The following ATP6V1C2 variants were observed in gnomAD, a reference collection of about 807,000 sequenced individuals.
ATP6V1C2 encodes V-type proton ATPase subunit C 2.
In ATP6V1C2, 45 loss-of-function variants were observed where a neutral mutation model predicts 56.8. The observed-to-expected ratio is 0.79, with a 90% CI of 0.62 to 1.02. The LOEUF (loss-of-function observed/expected upper bound fraction) is 1.02. ATP6V1C2 is among the 50% of genes least tolerant of loss of function. The pLI, the probability that ATP6V1C2 is intolerant of heterozygous loss-of-function variation, is 0.00. For missense variants in ATP6V1C2, 463 were observed against 519.7 expected (o/e 0.89, Z 1.06); for synonymous variants, 220 against 201.3 (o/e 1.09, Z -0.79).
At chr2:10,744,295 G>C (rs1219185640) in intron 3 of ATP6V1C2, 2 of 152,172 alleles carry the variant, frequency 1.3e-5, no homozygotes, top group East Asian at 3.8e-4. Context: ...CTCTAGTGAG[G>C]CTGTACCAAT....
intron 3 of ATP6V1C2, among the ~76,000 whole-genome samples, chr2:10,748,025 G>T (rs918714508): frequency 6.6e-6 from 1 of 152,126 alleles, no homozygotes; most frequent in African/African-American, 2.4e-5. Context: ...AGGGTTTAGA[G>T]TAGCTGGTAT....
chr2:10,781,375 G>C (rs570304114), intron 12 of ATP6V1C2, among the ~76,000 whole-genome samples: 65 of 152,266 alleles, frequency 4.3e-4, no homozygotes, highest in African/African-American at 1.5e-3. Flanking sequence ...CTACTTGGGA[G>C]GCTGAGGCAG....
intron 4 of ATP6V1C2, 99 bp from the exon 5 acceptor site, chr2:10,764,232 C>A (rs1399717088): frequency 1.8e-6 from 2 of 1,082,978 alleles, no homozygotes; most frequent in Non-Finnish European, 2.8e-6. Flanking sequence ...ATGATGGCTG[C>A]CTTCGTGTCC....
chr2:10,775,921 T>A (rs1171572375), intron 10 of ATP6V1C2, among the ~76,000 whole-genome samples: 2 of 152,086 alleles, frequency 1.3e-5, no homozygotes, highest in African/African-American at 2.4e-5. Context: ...TTGAGGCCTT[T>A]GGGGGAAAGT....
chr2:10,777,692 C>G lies in ATP6V1C2; in HGVS notation c.933C>G (p.Asp311Glu). The G allele has an allele frequency of 1.3e-6, 2 of 1,597,816 alleles. No individual in the cohort carries two copies. Among genetic ancestry groups the G allele is most frequent in the Non-Finnish European group, 1.7e-6 (2 of 1,168,212 alleles). Residue 311 changes from aspartate to glutamate, a missense_variant, in exon 11 of 14, where the codon GAC becomes GAG. Asp to Glu is a conservative substitution (Grantham distance 45). Transcript: ENST00000272238. ...NPDRPAAGQT[D>E]RERESEGEGE... is the part of the protein sequence containing the mutation. ...ATAGGCCTGCTGCGGGGCAGACCGA[C>G]AGAGAGAGAGAGAGTGAGGGCGAGG... is the stretch of plus-strand genomic sequence containing the variant.
upstream of ATP6V1C2, among the ~76,000 whole-genome samples, chr2:10,721,173 A>G (rs1161975621): frequency 6.6e-6 from 1 of 152,028 alleles, no homozygotes; most frequent in Admixed American, 6.5e-5. Flanking sequence ...GCGGCTCCCC[A>G]CAGGTGGGCC....
chr2:10,783,724 T>A lies in ATP6V1C2; in HGVS notation c.*461T>A, dbSNP rs1665544517. ...TGTGGTGGGCATAGGTGGCACCATC[T>A]AAAGAAAAGAGGTCTTGTTTTTTGT... On this transcript the variant is annotated 3_prime_UTR_variant, in exon 14 of 14. Coordinates refer to ENST00000272238, the MANE Select transcript of ATP6V1C2 (RefSeq NM_001039362.2). 1 of 157,646 alleles carries A rather than the reference T, an allele frequency of 6.3e-6. No homozygotes were observed. Among genetic ancestry groups the A allele is most frequent in the Admixed American group, 6.3e-5 (1 of 15,970 alleles). 9.8% of individuals were successfully genotyped at this position (157,646 alleles called of 1,614,324 possible). A position where few individuals can be genotyped will look rare whatever the true frequency, so the allele number is the denominator to read the frequency against.
Position 10,779,707 on chromosome 2 carries a change from A to AAAG in ATP6V1C2, c.1061+1038_1061+1039insAAG, listed in dbSNP as rs746755191. 1.4e-3 allele frequency among the ~76,000 whole-genome samples: 205 copies of AAAG among 145,130 alleles called. 4 individuals are homozygous for AAAG. The highest frequency in any genetic ancestry group is 3.8e-3 in the South Asian group (17 of 4,506). The stretch of plus-strand genomic sequence containing the variant: ...CTATAGAAAAAAAAAAAAAAAAAAA[A>AAAG]CTTCACTGTGGGAAACCTGGCAACT... On this transcript the variant is annotated intron_variant, in intron 12 of 13. Coordinates refer to ENST00000272238, the MANE Select transcript of ATP6V1C2 (RefSeq NM_001039362.2).
chr2:10,757,641 C>G (rs1223905079), intron 4 of ATP6V1C2, among the ~76,000 whole-genome samples: 2 of 152,232 alleles, frequency 1.3e-5, no homozygotes, highest in Non-Finnish European at 2.9e-5. Context: ...CCCCTCCCCT[C>G]TTTGTCCTGT....
intron 3 of ATP6V1C2, among the ~76,000 whole-genome samples, chr2:10,736,029 G>T (rs532034165): frequency 1.3e-5 from 2 of 152,174 alleles, no homozygotes; most frequent in African/African-American, 2.4e-5. Flanking sequence ...GGCTGAACAC[G>T]TTAACTCACG....
intron 6 of ATP6V1C2, among the ~76,000 whole-genome samples, chr2:10,769,655 G>A (rs760210707): frequency 6.6e-5 from 10 of 151,964 alleles, no homozygotes; most frequent in Non-Finnish European, 1.2e-4. Flanking sequence ...AGTGAGCTGA[G>A]ATCGCCACTG....
intron 2 of ATP6V1C2, among the ~76,000 whole-genome samples, chr2:10,723,837 CAAAA>C (rs145669254): frequency 8.1e-6 from 1 of 122,940 alleles, no homozygotes; most frequent in Non-Finnish European, 1.7e-5. Context: ...GACTCTGTCT[CAAAA>C]AAAAAAAAAA....
At chr2:10,741,344 A>G (rs988511705) in intron 3 of ATP6V1C2, among the ~76,000 whole-genome samples, 2 of 152,168 alleles carry the variant, frequency 1.3e-5, no homozygotes, top group African/African-American at 2.4e-5. Flanking sequence ...GGGCATGACG[A>G]TTTCATTGTC....
chr2:10,772,447 GC>G (rs1230951664), intron 7 of ATP6V1C2, 94 bp from the exon 8 acceptor site: 16 of 1,042,638 alleles, frequency 1.5e-5, no homozygotes, highest in Non-Finnish European at 2.3e-5. Flanking sequence ...TCACCTTCAG[GC>G]CTTCAGGAAA....
At chr2:10,734,929 CA>C (rs1414630894) in intron 3 of ATP6V1C2, among the ~76,000 whole-genome samples, 1 of 151,902 alleles carries the variant, frequency 6.6e-6, no homozygotes, top group African/African-American at 2.4e-5. Flanking sequence ...ACGAATAATA[CA>C]AAAAATTAGC....
At chr2:10,783,067 G>A (rs1665488486) in intron 13 of ATP6V1C2, 107 bp from the exon 14 acceptor site, 11 of 779,270 alleles carry the variant, frequency 1.4e-5, no homozygotes, top group South Asian at 1.2e-4. Flanking sequence ...CCACAGCTAC[G>A]CAGAGCAGAA....
chr2:10,747,903 C>G (rs2148448275), intron 3 of ATP6V1C2, among the ~76,000 whole-genome samples: 1 of 151,888 alleles, frequency 6.6e-6, no homozygotes, highest in East Asian at 1.9e-4. Context: ...CTTTGTTACC[C>G]AGGCTGGAGT....
At chr2:10,768,501 A>T (rs762233354) in intron 5 of ATP6V1C2, among the ~76,000 whole-genome samples, 7 of 152,226 alleles carry the variant, frequency 4.6e-5, no homozygotes, top group Non-Finnish European at 1.0e-4. Flanking sequence ...GGTTGGGCTC[A>T]CTGAGTCATC....
intron 3 of ATP6V1C2, among the ~76,000 whole-genome samples, chr2:10,731,700 G>A (rs777883168): frequency 6.6e-6 from 1 of 152,184 alleles, no homozygotes; most frequent in East Asian, 1.9e-4. Flanking sequence ...TGGGCCAAGC[G>A]CAGTAGCTCA....
Sources: gnomAD v4.1 joint callset for allele counts (sites outside exome capture counted in the v4.1 genomes callset) on GRCh38, gnomAD v4.1.1 for gene constraint, MANE v1.5 for transcripts, NCBI Gene and HGNC (gene_info 2026-07-23, HGNC 2026-07-21) for gene names.